Variants in FLVCR1 observed in about 807,000 individuals in gnomAD.
FLVCR1 encodes FLVCR choline and heme transporter 1, also known as choline/ethanolamine transporter FLVCR1.
FLVCR1 carries 34 observed loss-of-function variants against 53.6 expected under a neutral mutation model. That is an observed-to-expected ratio of 0.63 (90% confidence interval 0.48 to 0.84). FLVCR1 has a LOEUF of 0.84. FLVCR1 is among the 40% of genes least tolerant of loss of function. The probability of loss-of-function intolerance (pLI) is 0.00; values close to 1 mark genes in which losing one functional copy is unlikely to be tolerated. For synonymous variants in FLVCR1, 300 were observed against 286.3 expected (o/e 1.05, Z -0.48); for missense variants, 677 against 696.7 (o/e 0.97, Z 0.32).
intron 1 of FLVCR1, among the ~76,000 whole-genome samples, chr1:212,860,302 C>A (rs1664182481): frequency 6.8e-6 from 1 of 146,958 alleles, no homozygotes. Context: ...GAGTTGGTTG[C>A]ATCTGCAGGT....
Position 212,883,416 on chromosome 1 carries a change from A to C in FLVCR1, c.1070A>C (p.Gln357Pro). The change falls in exon 4 of 10, where the codon CAA (glutamine) becomes CCA (proline). Residue 357 changes from glutamine to proline, a missense_variant. Coordinates refer to ENST00000366971, the MANE Select transcript of FLVCR1 (RefSeq NM_014053.4). ...TATTCAGTCTCAACGTTATTAAATC[A>C]AATGATATTGACATATTATGAGGTA... ...AFYSVSTLLNQMILTYYEGEE... is the reference protein window; with the variant it reads ...AFYSVSTLLNPMILTYYEGEE... 1.3e-6 allele frequency: 2 copies of C among 1,584,464 alleles called. No homozygotes were observed. Among genetic ancestry groups the C allele is most frequent in the South Asian group, 2.2e-5 (2 of 89,948 alleles).
At chr1:212,859,472 C>A (rs549292521) in intron 1 of FLVCR1, among the ~76,000 whole-genome samples, 1 of 152,272 alleles carries the variant, frequency 6.6e-6, no homozygotes, top group East Asian at 1.9e-4. Context: ...AATCCCAGCA[C>A]TTTGGGAGGC....
intron 2 of FLVCR1, among the ~76,000 whole-genome samples, chr1:212,867,662 T>C (rs1340237372): frequency 6.6e-6 from 1 of 152,214 alleles, no homozygotes; most frequent in Non-Finnish European, 1.5e-5. Flanking sequence ...CAGTAAACTA[T>C]GTCATTTAAC....
chr1:212,862,848 A>G (rs2102534546), intron 1 of FLVCR1, among the ~76,000 whole-genome samples: 1 of 152,232 alleles, frequency 6.6e-6, no homozygotes, highest in Non-Finnish European at 1.5e-5. Flanking sequence ...ACACTTTTAT[A>G]TTGCTATTAT....
At chr1:212,888,452 G>T in intron 6 of FLVCR1, 37 bp from the exon 7 acceptor site, 1 of 1,379,280 alleles carries the variant, frequency 7.3e-7, no homozygotes, top group Non-Finnish European at 1.0e-6. Flanking sequence ...GTGACTTTCT[G>T]GTAGTTCTTT....
chr1:212,889,468 A>G (rs1047507075), intron 8 of FLVCR1, among the ~76,000 whole-genome samples: 2 of 152,216 alleles, frequency 1.3e-5, no homozygotes, highest in African/African-American at 4.8e-5. Context: ...CAAAACTGTT[A>G]TAATAAGAGT....
Position 212,858,840 on chromosome 1 carries a change from A to G in FLVCR1, c.388A>G (p.Ile130Val). The G allele has an allele frequency of 6.2e-7, 1 of 1,614,212 alleles. No individual in the cohort carries two copies. Among genetic ancestry groups the G allele is most frequent in the Non-Finnish European group, 8.5e-7 (1 of 1,180,038 alleles). Residue 130 changes from isoleucine (I) to valine (V), a missense_variant, in exon 1 of 10, where the codon ATC (isoleucine) becomes GTC (valine). Physicochemically the swap from Ile to Val is conservative, Grantham distance 29. Coordinates refer to ENST00000366971, the MANE Select transcript of FLVCR1 (RefSeq NM_014053.4). The stretch of plus-strand genomic sequence containing the variant: ...CGCCTTTCAGTGGATCCAGTACAGC[A>G]TCATTAGCAACGTCTTCGAGGGCTT... ...VNAFQWIQYS[I>V]ISNVFEGFYG...
intron 8 of FLVCR1, among the ~76,000 whole-genome samples, chr1:212,890,621 G>T (rs904198391): frequency 6.6e-6 from 1 of 152,198 alleles, no homozygotes; most frequent in Non-Finnish European, 1.5e-5. Flanking sequence ...AGCATTCGTG[G>T]ATTTTGGTAT....
At chr1:212,870,403 T>A (rs2102547771) in intron 2 of FLVCR1, among the ~76,000 whole-genome samples, 2 of 152,324 alleles carry the variant, frequency 1.3e-5, no homozygotes, top group South Asian at 4.1e-4. Flanking sequence ...CAGTGATTGT[T>A]TCTCCCTGGC....
At chr1:212,894,567 A>T (rs1665285549) in intron 8 of FLVCR1, among the ~76,000 whole-genome samples, 1 of 151,410 alleles carries the variant, frequency 6.6e-6, no homozygotes, top group African/African-American at 2.4e-5. Flanking sequence ...ACAAGTTATT[A>T]CTCAGTTTTT....
Position 212,858,875 on chromosome 1 carries a change from C to A in FLVCR1, c.423C>A (p.Val141=), listed in dbSNP as rs200974542. The change falls in exon 1 of 10, where the codon GTC becomes GTA. Residue 141 remains valine (V), a synonymous_variant. Transcript: ENST00000366971. ...ACGTCTTCGAGGGCTTCTACGGTGTCACCTTGCTGCACATCGACTGGCTGT... is the reference window on the plus strand; with the variant it reads ...ACGTCTTCGAGGGCTTCTACGGTGTAACCTTGCTGCACATCGACTGGCTGT... The part of the protein sequence containing the change: ...ISNVFEGFYG[V]TLLHIDWLSM... The A allele has an allele frequency of 6.2e-7, 1 of 1,614,258 alleles. No homozygotes were observed. The highest frequency in any genetic ancestry group is 1.7e-5 in the Admixed American group (1 of 60,032).
At chr1:212,872,941 C>A in intron 3 of FLVCR1, 123 bp downstream of exon 3, 1 of 940,938 alleles carries the variant, frequency 1.1e-6, no homozygotes, top group Non-Finnish European at 1.7e-6. Context: ...ACAGCATAAT[C>A]ATGAACTTAA....
chr1:212,872,272 G>A (rs1222736704), intron 2 of FLVCR1, among the ~76,000 whole-genome samples: 1 of 152,088 alleles, frequency 6.6e-6, no homozygotes, highest in African/African-American at 2.4e-5. Context: ...GAGCCACTGT[G>A]CCCAGCCTTC....
chr1:212,870,620 A>T lies in FLVCR1; in HGVS notation c.884-2058A>T, dbSNP rs146148836. 4.1e-3 allele frequency among the ~76,000 whole-genome samples: 630 copies of T among 152,282 alleles called. 3 individuals are homozygous for T. The highest frequency in any genetic ancestry group is 0.015 in the African/African-American group (605 of 41,552). The stretch of plus-strand genomic sequence containing the variant: ...CCTTGTTGGAAGAAAGAAATAGCCA[A>T]TTAAAAAAAAATCCTAATTTCTATT... On this transcript the variant is annotated intron_variant, in intron 2 of 9. Coordinates refer to ENST00000366971, the MANE Select transcript of FLVCR1 (RefSeq NM_014053.4).
intron 2 of FLVCR1, among the ~76,000 whole-genome samples, chr1:212,866,489 T>A (rs10864014): frequency 0.44 from 65,903 of 150,912 alleles, 15,435 homozygotes; most frequent in East Asian, 0.52. Flanking sequence ...TTTTTTTTTT[T>A]AAATCCTCTT....
intron 2 of FLVCR1, among the ~76,000 whole-genome samples, chr1:212,866,667 A>G (rs887338049): frequency 3.3e-5 from 5 of 152,086 alleles, no homozygotes; most frequent in African/African-American, 1.2e-4. Context: ...TTGGCATATT[A>G]CCCTTTGTTA....
In FLVCR1 at chr1:212,859,044, C is replaced by T; in HGVS notation, c.592C>T (p.His198Tyr). 1 of 1,612,570 alleles carries T rather than the reference C, an allele frequency of 6.2e-7. No homozygotes were observed. Among genetic ancestry groups the T allele is most frequent in the Non-Finnish European group, 8.5e-7 (1 of 1,178,904 alleles). ...AWIKCGSVQQHLFWVTMLGQC... is the reference protein window; with the variant it reads ...AWIKCGSVQQYLFWVTMLGQC... Reference sequence around the variant, plus strand: ...GATCAAGTGCGGCAGTGTGCAGCAGCATCTCTTCTGGGTCACCATGTTGGG... The same window carrying T: ...GATCAAGTGCGGCAGTGTGCAGCAGTATCTCTTCTGGGTCACCATGTTGGG... Residue 198 changes from histidine to tyrosine, a missense_variant, in exon 1 of 10, where the codon CAT becomes TAT. Physicochemically the swap from His to Tyr is moderately conservative, Grantham distance 83. Transcript: ENST00000366971.
chr1:212,881,549 G>C (rs751341790), intron 3 of FLVCR1, among the ~76,000 whole-genome samples: 1 of 152,012 alleles, frequency 6.6e-6, no homozygotes, highest in Admixed American at 6.6e-5. Flanking sequence ...ATGTTGGCCA[G>C]ACTGGTCACG....
rs770284491 is a variant in FLVCR1 at position 212,863,840 on chromosome 1, C to T, written c.854C>T (p.Ala285Val). 5 of 1,613,450 alleles carry T rather than the reference C, an allele frequency of 3.1e-6. No individual in the cohort carries two copies. The highest frequency in any genetic ancestry group is 4.2e-6 in the Non-Finnish European group (5 of 1,179,436). ...STMFYGTSAV[A>V]TLLFILTAIA... ...ATGTTTTATGGAACATCAGCTGTTG[C>T]CACACTTTTATTTATTTTAACAGCA... The change falls in exon 2 of 10, where the codon GCC becomes GTC. Residue 285 changes from alanine to valine, a missense_variant. Physicochemically the swap from Ala to Val is moderately conservative, Grantham distance 64. Transcript: ENST00000366971.
Sources: allele counts gnomAD v4.1 joint callset (sites outside exome capture counted in the v4.1 genomes callset), GRCh38; gene constraint gnomAD v4.1.1; transcripts MANE v1.5; gene names NCBI Gene and HGNC (gene_info 2026-07-23, HGNC 2026-07-21).